RGS7: variants seen among roughly 807,000 people sequenced by gnomAD.
RGS7 encodes the protein regulator of G-protein signaling 7.
In RGS7, 27 loss-of-function variants were observed where a neutral mutation model predicts 81.1. The ratio of observed to expected loss-of-function variants is 0.33; its 90% CI spans 0.25 to 0.46. RGS7 has a LOEUF of 0.46. Ranked by LOEUF, RGS7 falls within the 20% of genes least tolerant of loss-of-function variation. The probability of loss-of-function intolerance (pLI) is 1.00; values close to 1 mark genes in which losing one functional copy is unlikely to be tolerated. For synonymous variants in RGS7, 208 were observed against 207.7 expected (o/e 1.00, Z -0.01); for missense variants, 396 against 607.4 (o/e 0.65, Z 3.66).
At chr1:241,133,863 G>A (rs1300668237) in intron 2 of RGS7, among the ~76,000 whole-genome samples, 1 of 152,106 alleles carries the variant, frequency 6.6e-6, no homozygotes, top group South Asian at 2.1e-4. Context: ...CAAACTATGT[G>A]AAAGAATTCA....
At chr1:240,778,790 C>A (rs1683427244) in intron 18 of RGS7, among the ~76,000 whole-genome samples, 1 of 152,182 alleles carries the variant, frequency 6.6e-6, no homozygotes, top group South Asian at 2.1e-4. Flanking sequence ...CCTTGGCCTC[C>A]CAAAGTGCTG....
intron 2 of RGS7, among the ~76,000 whole-genome samples, chr1:241,245,558 C>T (rs1381577035): frequency 6.6e-6 from 1 of 151,774 alleles, no homozygotes; most frequent in Admixed American, 6.6e-5. Flanking sequence ...CCTATAATCC[C>T]AGCACTTTGG....
At chr1:241,323,430 G>A (rs1366199623) in intron 2 of RGS7, among the ~76,000 whole-genome samples, 2 of 152,216 alleles carry the variant, frequency 1.3e-5, no homozygotes, top group African/African-American at 4.8e-5. Flanking sequence ...CTTCCTCCCT[G>A]ACCCCGTTGT....
At chr1:240,903,915 G>T (rs1339275052) in intron 6 of RGS7, among the ~76,000 whole-genome samples, 1 of 152,186 alleles carries the variant, frequency 6.6e-6, no homozygotes, top group Non-Finnish European at 1.5e-5. Context: ...CAGCCTGAGG[G>T]CCTCACCAGA....
chr1:240,806,185 T>G lies in RGS7; in HGVS notation c.1224A>C (p.Thr408=). ...ATCGTCCAGGTTCCTTCACGTTCTG[T>G]GTGGTTTTGTCATAACTCTTGGAAT... is the stretch of plus-strand genomic sequence containing the variant. ...NLDSKSYDKT[T]QNVKEPGRYT... The change falls in exon 15 of 19, where the codon ACA becomes ACC. Residue 408 remains threonine, a synonymous_variant. Transcript: ENST00000440928. 1 of 1,614,088 alleles carries G rather than the reference T, an allele frequency of 6.2e-7. No homozygotes were observed.
intron 3 of RGS7, among the ~76,000 whole-genome samples, chr1:241,053,029 G>GA (rs1427908812): frequency 6.6e-6 from 1 of 152,020 alleles, no homozygotes; most frequent in Admixed American, 6.6e-5. Flanking sequence ...TTTGGAAGGG[G>GA]AATCCCTTAT....
At chr1:241,025,229 C>G (rs1276472272) in intron 3 of RGS7, among the ~76,000 whole-genome samples, 1 of 152,160 alleles carries the variant, frequency 6.6e-6, no homozygotes, top group Non-Finnish European at 1.5e-5. Flanking sequence ...TTGAACAGGA[C>G]AGGTCAGTGG....
intron 2 of RGS7, among the ~76,000 whole-genome samples, chr1:241,315,808 C>A (rs2080836933): frequency 6.6e-6 from 1 of 152,118 alleles, no homozygotes. Flanking sequence ...AGTTTTTTAC[C>A]ATTGAGTGTG....
intron 3 of RGS7, among the ~76,000 whole-genome samples, chr1:241,027,193 A>T (rs1416844078): frequency 6.6e-6 from 1 of 151,088 alleles, no homozygotes; most frequent in Non-Finnish European, 1.5e-5. Context: ...GCAGAATGAG[A>T]CCCTGTCTCA....
intron 2 of RGS7, among the ~76,000 whole-genome samples, chr1:241,250,327 A>C (rs932189340): frequency 6.6e-6 from 1 of 152,206 alleles, no homozygotes; most frequent in Admixed American, 6.5e-5. Flanking sequence ...TACACTAGTG[A>C]AACAGGGCAC....
chr1:241,229,735 C>T (rs968252327), intron 2 of RGS7, among the ~76,000 whole-genome samples: 1 of 152,198 alleles, frequency 6.6e-6, no homozygotes, highest in Non-Finnish European at 1.5e-5. Context: ...TCTGGGAAAT[C>T]GGCCACACCG....
At chr1:240,946,142 A>C (rs549196915) in intron 4 of RGS7, among the ~76,000 whole-genome samples, 254 of 152,352 alleles carry the variant, frequency 1.7e-3, no homozygotes, top group Middle Eastern at 3.4e-3. Flanking sequence ...ACTGCCTAAC[A>C]ATAACAATGA....
intron 6 of RGS7, among the ~76,000 whole-genome samples, chr1:240,916,566 T>C (rs1198871357): frequency 1.3e-5 from 2 of 152,062 alleles, no homozygotes. Flanking sequence ...GATAAAGCCA[T>C]TAAAGAGGTA....
At chr1:240,951,298 G>A (rs1426527951) in intron 4 of RGS7, among the ~76,000 whole-genome samples, 1 of 152,066 alleles carries the variant, frequency 6.6e-6, no homozygotes, top group Non-Finnish European at 1.5e-5. Flanking sequence ...AAACAACAAT[G>A]AGAACCAAAT....
At chr1:241,312,639 C>T (rs566285983) in intron 2 of RGS7, among the ~76,000 whole-genome samples, 1 of 152,282 alleles carries the variant, frequency 6.6e-6, no homozygotes, top group South Asian at 2.1e-4. Flanking sequence ...GACTGCTCCA[C>T]CAACCAGCCG....
At chr1:241,107,732 C>T (rs969722364) in intron 2 of RGS7, among the ~76,000 whole-genome samples, 1 of 152,160 alleles carries the variant, frequency 6.6e-6, no homozygotes, top group Admixed American at 6.6e-5. Context: ...TTTTCTGAAT[C>T]TCATTATTTA....
At chr1:240,815,427 T>C (rs12031131) in intron 11 of RGS7, among the ~76,000 whole-genome samples, 69,924 of 151,966 alleles carry the variant, frequency 0.46, 18,077 homozygotes, top group Non-Finnish European at 0.58. Flanking sequence ...CCCTCCAAAT[T>C]TAGAAAATAA....
intron 18 of RGS7, among the ~76,000 whole-genome samples, chr1:240,798,741 G>A (rs1344993183): frequency 2.6e-5 from 4 of 152,102 alleles, no homozygotes; most frequent in African/African-American, 4.8e-5. Flanking sequence ...AGCGCCCAGT[G>A]CAGAGCCTGG....
At chr1:240,979,311 A>T (rs1477750032) in intron 4 of RGS7, among the ~76,000 whole-genome samples, 1 of 152,196 alleles carries the variant, frequency 6.6e-6, no homozygotes, top group Non-Finnish European at 1.5e-5. Flanking sequence ...AAACAATAAA[A>T]AGTATATATA....
Sources: allele counts gnomAD v4.1 joint callset (sites outside exome capture counted in the v4.1 genomes callset), GRCh38; gene constraint gnomAD v4.1.1; transcripts MANE v1.5; gene names NCBI Gene and HGNC (gene_info 2026-07-23, HGNC 2026-07-21).